The following MBD5 variants were observed in gnomAD, a reference collection of about 807,000 sequenced individuals.
MBD5 encodes methyl-CpG binding domain protein 5, also known as methyl-CpG-binding domain protein 5.
MBD5 carries 13 observed loss-of-function variants against 117.3 expected under a neutral mutation model. The observed-to-expected ratio is 0.11, with a 90% CI of 0.07 to 0.18. The LOEUF (loss-of-function observed/expected upper bound fraction) is 0.18, where lower values mean the gene tolerates loss of function less well. MBD5 is among the 10% of genes least tolerant of loss of function. The pLI is 1.00. For missense variants in MBD5, 1,879 were observed against 2,093.8 expected, an observed-to-expected ratio of 0.90 and a Z score of 2.00; for synonymous variants, 727 against 766.4, an observed-to-expected ratio of 0.95 and a Z score of 0.85.
At chr2:148,407,187 A>G (rs527988135) in intron 4 of MBD5, among the ~76,000 whole-genome samples, 10 of 152,244 alleles carry the variant, frequency 6.6e-5, no homozygotes, top group Non-Finnish European at 1.5e-4. Flanking sequence ...ATTTTCGAAT[A>G]AGATGAAAAA....
At chr2:148,240,728 A>G (rs1251963362) in intron 3 of MBD5, among the ~76,000 whole-genome samples, 1 of 152,214 alleles carries the variant, frequency 6.6e-6, no homozygotes, top group Non-Finnish European at 1.5e-5. Flanking sequence ...AGAACTAACT[A>G]TTCTTTAGAA....
At chr2:148,364,184 A>G (rs151041084) in intron 4 of MBD5, among the ~76,000 whole-genome samples, 1,612 of 152,312 alleles carry the variant, frequency 0.011, 13 homozygotes, top group African/African-American at 0.034. Flanking sequence ...AGTGGGGGCC[A>G]ATATTCAACA....
At chr2:148,414,069 T>C (rs570894294) in intron 4 of MBD5, among the ~76,000 whole-genome samples, 30 of 152,246 alleles carry the variant, frequency 2.0e-4, no homozygotes, top group East Asian at 3.9e-4. Flanking sequence ...ATGTTGTTAA[T>C]TTGAGATCTT....
chr2:148,445,891 A>G (rs960219903), intron 4 of MBD5, among the ~76,000 whole-genome samples: 3 of 151,280 alleles, frequency 2.0e-5, no homozygotes, highest in South Asian at 2.1e-4. Flanking sequence ...GCCGGTGATG[A>G]TGAGCATTTT....
Position 148,468,401 on chromosome 2 carries a change from A to G in MBD5, c.458A>G (p.His153Arg), listed in dbSNP as rs934748456. 2 of 1,613,670 alleles carry G rather than the reference A, an allele frequency of 1.2e-6. No individual in the cohort carries two copies. The change falls in exon 8 of 14, where the codon CAT becomes CGT. Residue 153 changes from histidine to arginine, a missense_variant. Physicochemically the swap from His to Arg is conservative, Grantham distance 29 (BLOSUM62 0). Coordinates refer to ENST00000642680, the MANE Select transcript of MBD5 (RefSeq NM_001378120.1). Reference sequence around the variant, plus strand: ...CCAAGATCAGTAAGAAATAAGTCTCATGAAGGAATTACAAATTCTGTAATG... The same window carrying G: ...CCAAGATCAGTAAGAAATAAGTCTCGTGAAGGAATTACAAATTCTGTAATG... ...ATPRSVRNKS[H>R]EGITNSVMPE... is the part of the protein sequence containing the mutation.
chr2:148,400,231 A>T (rs944830352), intron 4 of MBD5, among the ~76,000 whole-genome samples: 20 of 151,134 alleles, frequency 1.3e-4, no homozygotes, highest in African/African-American at 4.6e-4. Flanking sequence ...CTTTTTTTAA[A>T]TTTTTTTTTC....
intron 1 of MBD5, among the ~76,000 whole-genome samples, chr2:148,109,977 A>G: frequency 6.6e-6 from 1 of 152,180 alleles, no homozygotes; most frequent in Non-Finnish European, 1.5e-5. Flanking sequence ...CGATGACCAC[A>G]TCATATTCTA....
chr2:148,228,315 C>T lies in MBD5; in HGVS notation c.-830-4930C>T, dbSNP rs569230369. ...TCCCTAATTTATTGAGAGTTTTTAG[C>T]ATGAAGCATTGTTGAATTTTGTCAA... On this transcript the variant is annotated intron_variant, in intron 2 of 13. Transcript: ENST00000642680. 4.6e-5 allele frequency among the ~76,000 whole-genome samples: 7 copies of T among 152,286 alleles called. No individual in the cohort carries two copies. In the South Asian group the frequency reaches 1.5e-3, roughly 32 times the overall value.
At chr2:148,363,621 C>T (rs1703606026) in intron 4 of MBD5, among the ~76,000 whole-genome samples, 1 of 152,062 alleles carries the variant, frequency 6.6e-6, no homozygotes, top group Admixed American at 6.6e-5. Context: ...GCTGGTGATA[C>T]CCAGGCAAAC....
chr2:148,177,283 A>C (rs1418133691), intron 1 of MBD5, among the ~76,000 whole-genome samples: 1 of 152,222 alleles, frequency 6.6e-6, no homozygotes, highest in East Asian at 1.9e-4. Flanking sequence ...CGGACTGTAG[A>C]TCTACATTAT....
At chr2:148,227,742 A>G (rs1209246479) in intron 2 of MBD5, among the ~76,000 whole-genome samples, 1 of 152,188 alleles carries the variant, frequency 6.6e-6, no homozygotes, top group Non-Finnish European at 1.5e-5. Flanking sequence ...CTTCCTACCC[A>G]TGAGCATGGA....
chr2:148,322,420 A>C (rs1212080963), intron 3 of MBD5, among the ~76,000 whole-genome samples: 1 of 152,208 alleles, frequency 6.6e-6, no homozygotes, highest in Non-Finnish European at 1.5e-5. Flanking sequence ...AGTTACCTAG[A>C]ATACATTCAA....
chr2:148,294,504 T>TTTTTTTTTTTGTTTTTTTTTTTTTTTTG (rs1559009513), intron 3 of MBD5, among the ~76,000 whole-genome samples: 1 of 21,496 alleles, frequency 4.7e-5, no homozygotes, highest in African/African-American at 1.5e-4. Flanking sequence ...GATTACAGTT[T>TTTTTTTTTTTGTTTTTTTTTTTTTTTTG]TTTTTTTTTT....
chr2:148,026,822 T>G (rs1693905190), intron 1 of MBD5: 1 of 152,306 alleles, frequency 6.6e-6, no homozygotes, highest in Admixed American at 6.6e-5. Context: ...CTCAGGAGGC[T>G]GGAGAGGATC....
In MBD5 at chr2:148,333,946, G is replaced by T. The variant is rs117300322; in HGVS notation, c.-679-8268G>T. Among the ~76,000 whole-genome samples the T allele has an allele frequency of 1.6e-3, 237 of 152,228 alleles. 1 individual carries two copies. In the East Asian group the frequency reaches 0.035, roughly 22 times the overall value. ...TAGTCTTCTGCTAGAATGAGAGAGGGAAAAGTACTTGGCCAGTTGTGAATG... is the reference window on the plus strand; with the variant it reads ...TAGTCTTCTGCTAGAATGAGAGAGGTAAAAGTACTTGGCCAGTTGTGAATG... On this transcript the variant is annotated intron_variant, in intron 3 of 13. Transcript: ENST00000642680.
intron 3 of MBD5, chr2:148,264,089 T>C (rs889894348): frequency 6.6e-6 from 1 of 152,188 alleles, no homozygotes. Flanking sequence ...CACATGTAGA[T>C]GTGGACCATG....
chr2:148,199,141 C>T (rs1263917980), intron 2 of MBD5, among the ~76,000 whole-genome samples: 1 of 152,154 alleles, frequency 6.6e-6, no homozygotes, highest in African/African-American at 2.4e-5. Context: ...ATCCTGCAGT[C>T]TTGAAGCAAA....
At chr2:148,076,882 G>A (rs1391575968) in intron 1 of MBD5, among the ~76,000 whole-genome samples, 1 of 152,212 alleles carries the variant, frequency 6.6e-6, no homozygotes, top group Non-Finnish European at 1.5e-5. Context: ...CAAACCACAA[G>A]TAATTTTATA....
intron 4 of MBD5, among the ~76,000 whole-genome samples, chr2:148,390,569 A>C (rs868822186): frequency 1.3e-5 from 2 of 150,328 alleles, no homozygotes; most frequent in Admixed American, 6.7e-5. Context: ...GTGTGTATAT[A>C]TATATATATA....
Sources: gnomAD v4.1 joint callset for allele counts (sites outside exome capture counted in the v4.1 genomes callset) on GRCh38, gnomAD v4.1.1 for gene constraint, MANE v1.5 for transcripts, NCBI Gene and HGNC (gene_info 2026-07-23, HGNC 2026-07-21) for gene names.